The following SLF1 variants were observed in gnomAD, a reference collection of about 807,000 sequenced individuals.
SLF1 encodes the protein SMC5/6 complex localization factor 1.
A neutral mutation model predicts 123.0 loss-of-function variants in SLF1; 105 were observed. That is an observed-to-expected ratio of 0.85 (90% CI 0.73 to 1.00). The LOEUF (loss-of-function observed/expected upper bound fraction) is 1.00. Ranked by LOEUF, SLF1 falls within the 50% of genes least tolerant of loss-of-function variation. The probability of loss-of-function intolerance (pLI) is 0.00; values close to 1 mark genes in which losing one functional copy is unlikely to be tolerated. For synonymous variants in SLF1, 434 were observed against 406.6 expected, an observed-to-expected ratio of 1.07 and a Z score of -0.81; for missense variants, 1,239 against 1,223.0, an observed-to-expected ratio of 1.01 and a Z score of -0.20.
chr5:94,683,926 A>G (rs1006891667), intron 15 of SLF1, among the ~76,000 whole-genome samples: 2 of 152,232 alleles, frequency 1.3e-5, no homozygotes, highest in Admixed American at 1.3e-4. Context: ...TGTAAGGACT[A>G]CAAGTATGAC....
At chr5:94,619,120 A>G (rs1388510243) in intron 1 of SLF1, among the ~76,000 whole-genome samples, 1 of 152,102 alleles carries the variant, frequency 6.6e-6, no homozygotes, top group East Asian at 1.9e-4. Context: ...GGAAGGCGCT[A>G]GGCCCCCCGC....
At chr5:94,623,916 A>G (rs1561415162) in intron 1 of SLF1, among the ~76,000 whole-genome samples, 1 of 152,178 alleles carries the variant, frequency 6.6e-6, no homozygotes, top group Non-Finnish European at 1.5e-5. Flanking sequence ...TTCCTGTGTA[A>G]CTGCATGAAT....
chr5:94,623,254 C>T (rs1478251955), intron 1 of SLF1, among the ~76,000 whole-genome samples: 1 of 152,104 alleles, frequency 6.6e-6, no homozygotes, highest in South Asian at 2.1e-4. Context: ...CTCCATACCA[C>T]AGAGACAGTT....
intron 15 of SLF1, among the ~76,000 whole-genome samples, chr5:94,680,439 A>G (rs1751634792): frequency 6.6e-6 from 1 of 151,190 alleles, no homozygotes; most frequent in Non-Finnish European, 1.5e-5. Flanking sequence ...CTTTCCCACC[A>G]TTCCTACTAG....
chr5:94,625,799 C>CT (rs1295139943), intron 1 of SLF1, among the ~76,000 whole-genome samples: 1 of 152,048 alleles, frequency 6.6e-6, no homozygotes, highest in Non-Finnish European at 1.5e-5. Context: ...CCAAATGTGG[C>CT]TTTTTTGTGT....
At chr5:94,665,502 GCACTTTGGGAGGCTGAGGTGGGCAGAT>G (rs1234761321) in intron 11 of SLF1, among the ~76,000 whole-genome samples, 2 of 152,218 alleles carry the variant, frequency 1.3e-5, no homozygotes, top group African/African-American at 4.8e-5. Context: ...TGTAATCCCA[GCACTTTGGGAGGCTGAGGTGGGCAGAT>G]CACAAGGTCG....
intron 14 of SLF1, among the ~76,000 whole-genome samples, chr5:94,673,878 G>A (rs1421751752): frequency 6.6e-6 from 1 of 151,622 alleles, no homozygotes; most frequent in Admixed American, 6.6e-5. Context: ...AGATTGCTCT[G>A]AGTATAGCTA....
chr5:94,683,722 T>C (rs931686525), intron 15 of SLF1, among the ~76,000 whole-genome samples: 10 of 152,174 alleles, frequency 6.6e-5, no homozygotes, highest in Admixed American at 2.6e-4. Flanking sequence ...AGGGAGTTTG[T>C]GTAGGAATTT....
At chr5:94,654,278 T>C (rs193125374) in intron 8 of SLF1, among the ~76,000 whole-genome samples, 7 of 152,202 alleles carry the variant, frequency 4.6e-5, no homozygotes, top group African/African-American at 1.7e-4. Flanking sequence ...GAATTTTGTT[T>C]TGTATGACCA....
At chr5:94,650,361 CA>C (rs1204388220) in intron 6 of SLF1, among the ~76,000 whole-genome samples, 6 of 106,838 alleles carry the variant, frequency 5.6e-5, no homozygotes, top group East Asian at 7.0e-4. Context: ...TAATTTGGAA[CA>C]TTTTTTTTTT....
intron 5 of SLF1, among the ~76,000 whole-genome samples, chr5:94,645,906 C>T (rs1024107378): frequency 2.1e-5 from 3 of 146,312 alleles, no homozygotes; most frequent in Admixed American, 2.0e-4. Context: ...TTCCAGTCCT[C>T]ATTAGATGGA....
chr5:94,618,735 C>T lies in SLF1; in HGVS notation c.-31C>T, dbSNP rs1330795353. The T allele has an allele frequency of 6.5e-6, 1 of 154,804 alleles. No homozygotes were observed. The highest frequency in any genetic ancestry group is 2.4e-5 in the African/African-American group (1 of 41,524). The allele number at this position is 154,804 out of a possible 1,614,324, so 9.6% of individuals were successfully genotyped here. On this transcript the variant is annotated 5_prime_UTR_variant, in exon 1 of 21. Coordinates refer to ENST00000265140, the MANE Select transcript of SLF1 (RefSeq NM_032290.4). ...CAGTCGTCGCCCCTGCCGCCGCTGC[C>T]ACCGAAGGAAGCATCCCAGACACCG...
At position 94,649,451 on chromosome 5, in the gene SLF1, CAGAA is replaced by C; in HGVS notation, c.598_601del (p.Glu200PhefsTer34). 2 of 1,489,742 alleles carry C rather than the reference CAGAA, an allele frequency of 1.3e-6. No homozygotes were observed. Among genetic ancestry groups the C allele is most frequent in the Non-Finnish European group, 1.8e-6 (2 of 1,105,952 alleles). 92.3% of individuals were successfully genotyped at this position (1,489,742 alleles called of 1,614,324 possible). ...TGCCTAAACCATTTTTACATACATA[CAGAA>C]AGAAATTCAGAATGATGAAGATTCC... On this transcript the variant is annotated splice_acceptor_variant and coding_sequence_variant, in exon 6 of 21. Coordinates refer to ENST00000265140, the MANE Select transcript of SLF1 (RefSeq NM_032290.4). LOFTEE classifies it high-confidence loss of function.
At position 94,688,701 on chromosome 5, in the gene SLF1, G is replaced by A. The variant is rs374392586; in HGVS notation, c.2285+32G>A. 3 of 1,608,824 alleles carry A rather than the reference G, an allele frequency of 1.9e-6. No individual in the cohort carries two copies. The African/African-American group carries it at 4.0e-5, about 22-fold the overall frequency. On this transcript the variant is annotated intron_variant, in intron 17 of 20. Transcript: ENST00000265140. ...GATGCTGATATCCCAGCTGTGCTTT[G>A]TTTTGGAGTACAGCTCTTTCTCTGA...
chr5:94,656,744 A>T (rs1466763337), intron 9 of SLF1, among the ~76,000 whole-genome samples: 1 of 151,714 alleles, frequency 6.6e-6, no homozygotes, highest in Admixed American at 6.6e-5. Context: ...CATTTCCCCT[A>T]AGTTTTCTGA....
chr5:94,637,843 A>G (rs1434278520), intron 4 of SLF1, among the ~76,000 whole-genome samples: 1 of 152,048 alleles, frequency 6.6e-6, no homozygotes, highest in Non-Finnish European at 1.5e-5. Context: ...TTCCCATCCT[A>G]AGAAGAATCT....
chr5:94,670,079 A>G, intron 12 of SLF1, 72 bp from the exon 13 acceptor site: 1 of 1,393,938 alleles, frequency 7.2e-7, no homozygotes, highest in South Asian at 1.5e-5. Context: ...TTCTAGAAGG[A>G]GAAATATTTT....
At chr5:94,643,168 AT>A in intron 4 of SLF1, 104 bp from the exon 5 acceptor site, 1 of 830,740 alleles carries the variant, frequency 1.2e-6, no homozygotes, top group East Asian at 2.9e-5. Flanking sequence ...ATTAGTCCCT[AT>A]TAGAAAAGTC....
chr5:94,677,924 C>CT (rs5869635), intron 14 of SLF1, among the ~76,000 whole-genome samples: 62 of 145,294 alleles, frequency 4.3e-4, no homozygotes, highest in South Asian at 1.7e-3. Context: ...AAATGATATA[C>CT]TTTTTTTTTT....
Sources: gnomAD v4.1 joint callset for allele counts (sites outside exome capture counted in the v4.1 genomes callset) on GRCh38, gnomAD v4.1.1 for gene constraint, MANE v1.5 for transcripts, NCBI Gene and HGNC (gene_info 2026-07-23, HGNC 2026-07-21) for gene names.